The following ITPRIPL1 variants were observed in gnomAD, a reference collection of about 807,000 sequenced individuals.
ITPRIPL1 encodes inositol 1,4,5-trisphosphate receptor-interacting protein-like 1.
ITPRIPL1 carries 28 observed loss-of-function variants against 40.0 expected under a neutral mutation model. That is an observed-to-expected ratio of 0.70 (90% CI 0.52 to 0.96). The LOEUF is 0.96. ITPRIPL1 is among the 40% of genes least tolerant of loss of function. ITPRIPL1 has a pLI of 0.00. For synonymous variants in ITPRIPL1, 251 were observed against 275.7 expected (o/e 0.91, Z 0.89); for missense variants, 638 against 698.0 (o/e 0.91, Z 0.97).
chr2:96,326,120 A>G, intron 2 of ITPRIPL1: 5 of 1,454,416 alleles, frequency 3.4e-6, no homozygotes, highest in Non-Finnish European at 4.6e-6. Context: ...AGGCTGAGTG[A>G]TGAGGCTCAC....
In ITPRIPL1 at chr2:96,327,719, C is replaced by G. The variant is rs199538607; in HGVS notation, c.1088C>G (p.Ser363Ter). Residue 363 changes from serine to a stop codon, truncating the protein, a stop_gained, in exon 3 of 3, where the codon TCA (serine) becomes TGA (stop). Transcript: ENST00000439118. LOFTEE classifies it high-confidence loss of function. ...RLDYRSGRFL[S>*]IHLVLGVQRE... is the part of the protein sequence containing the mutation. ...GACTATCGCTCAGGCCGCTTTCTCT[C>G]AATCCACTTGGTCCTGGGGGTGCAA... 8.1e-6 allele frequency: 13 copies of G among 1,613,242 alleles called. No individual in the cohort carries two copies. The highest frequency in any genetic ancestry group is 1.1e-5 in the Non-Finnish European group (13 of 1,179,634).
rs1321706086 is a variant in ITPRIPL1, at chr2:96,326,225, C to A, written c.10+376C>A. On this transcript the variant is annotated intron_variant, in intron 2 of 2. Coordinates refer to ENST00000439118, the MANE Select transcript of ITPRIPL1 (RefSeq NM_001008949.3). ...GGGCAGAGGAAAGGTGTCACCCAGGCAGGTTCAGGGCTTTCTGGCTATAAA... is the reference window on the plus strand; with the variant it reads ...GGGCAGAGGAAAGGTGTCACCCAGGAAGGTTCAGGGCTTTCTGGCTATAAA... 4 of 1,439,942 alleles carry A rather than the reference C, an allele frequency of 2.8e-6. No individual in the cohort carries two copies. In the African/African-American group the frequency reaches 5.6e-5, roughly 20 times the overall value. 89.2% of individuals were successfully genotyped at this position (1,439,942 alleles called of 1,614,324 possible).
Position 96,325,472 on chromosome 2 carries a change from G to T in ITPRIPL1, c.-187G>T. The T allele has an allele frequency of 2.8e-6, 1 of 351,956 alleles. No homozygotes were observed. The highest frequency in any genetic ancestry group is 5.3e-6 in the Non-Finnish European group (1 of 187,078). 21.8% of individuals were successfully genotyped at this position (351,956 alleles called of 1,614,324 possible). On this transcript the variant is annotated 5_prime_UTR_variant, in exon 1 of 3. Transcript: ENST00000439118. Reference sequence around the variant, plus strand: ...AGGGCCACTCCCGCGGGCGGCCCCAGCGATGAACCGGACGCCCCCACCCTG... The same window carrying T: ...AGGGCCACTCCCGCGGGCGGCCCCATCGATGAACCGGACGCCCCCACCCTG...
chr2:96,329,087 G>T (rs1424654249), downstream of ITPRIPL1: 1 of 145,404 alleles, frequency 6.9e-6, no homozygotes, highest in African/African-American at 2.6e-5. Context: ...AGTGAGCCGA[G>T]ATCGCACCAC....
downstream of ITPRIPL1, chr2:96,329,341 A>G (rs922429901): frequency 2.0e-5 from 3 of 151,778 alleles, no homozygotes; most frequent in African/African-American, 4.8e-5. Flanking sequence ...CATAATTGAG[A>G]TAATGTATTT....
In ITPRIPL1 at chr2:96,325,424, T is replaced by G; in HGVS notation, c.-235T>G. On this transcript the variant is annotated 5_prime_UTR_variant, in exon 1 of 3. Coordinates refer to ENST00000439118, the MANE Select transcript of ITPRIPL1 (RefSeq NM_001008949.3). The stretch of plus-strand genomic sequence containing the variant: ...CGTTCAGACGCTCGGACAAGCATGG[T>G]CTATAACCCAGGAAAGGGGAGCAGG... 1 of 254,134 alleles carries G rather than the reference T, an allele frequency of 3.9e-6. No homozygotes were observed. Among genetic ancestry groups the G allele is most frequent in the Non-Finnish European group, 7.8e-6 (1 of 128,352 alleles). 15.7% of individuals were successfully genotyped at this position (254,134 alleles called of 1,614,324 possible).
At chr2:96,325,909 T>TGG in intron 2 of ITPRIPL1, 60 bp downstream of exon 2, 1 of 1,562,660 alleles carries the variant, frequency 6.4e-7, no homozygotes, top group African/African-American at 1.4e-5. Context: ...CACGGGTGGG[T>TGG]GGGGAGGCAG....
At chr2:96,329,908 T>C (rs895378206), downstream of ITPRIPL1, 1 of 152,104 alleles carries the variant, frequency 6.6e-6, no homozygotes, top group Non-Finnish European at 1.5e-5. Context: ...CTGGCCCTTA[T>C]AGGCTTCAGT....
In ITPRIPL1 at chr2:96,325,753, TA is replaced by T; in HGVS notation, c.-86del. On this transcript the variant is annotated 5_prime_UTR_variant, in exon 2 of 3. Transcript: ENST00000439118. ...ACCTTGTACATTTTAACAGGGCTCC[TA>T]GAGAGGGCGGGGAGACGAAGCAAGG... is the stretch of plus-strand genomic sequence containing the variant. 1 of 1,394,228 alleles carries T rather than the reference TA, an allele frequency of 7.2e-7. No individual in the cohort carries two copies. 86.4% of individuals were successfully genotyped at this position (1,394,228 alleles called of 1,614,324 possible).
At chr2:96,325,618 T>C in intron 1 of ITPRIPL1, 53 bp downstream of exon 1, 1 of 610,486 alleles carries the variant, frequency 1.6e-6, no homozygotes, top group South Asian at 1.9e-5. Context: ...GGATGGGCCC[T>C]TGGCCTCCTA....
Position 96,326,824 on chromosome 2 carries a change from G to A in ITPRIPL1, c.193G>A (p.Ala65Thr), listed in dbSNP as rs114255756. Reference protein sequence around the residue: ...LEMEFEERKRAAEQRQKAENF... With the variant: ...LEMEFEERKRTAEQRQKAENF... ...GATGGAGTTTGAAGAGAGAAAGCGAGCCGCTGAGCAGAGGCAGAAGGCAGA... is the reference window on the plus strand; with the variant it reads ...GATGGAGTTTGAAGAGAGAAAGCGAACCGCTGAGCAGAGGCAGAAGGCAGA... Residue 65 changes from alanine (A) to threonine (T), a missense_variant, in exon 3 of 3, where the codon GCC becomes ACC. Ala to Thr is a moderately conservative substitution (Grantham distance 58). Transcript: ENST00000439118. 5.6e-4 allele frequency: 898 copies of A among 1,614,206 alleles called. 5 individuals are homozygous for A. In the African/African-American group the frequency reaches 0.011, roughly 20 times the overall value.
Position 96,327,036 on chromosome 2 carries a change from G to C in ITPRIPL1, c.405G>C (p.Pro135=). ...TGCGACAGAACATGCAGCATGAACC[G>C]GCCTTTGATTCCAGCAGTGAGGAGG... The part of the protein sequence containing the change: ...ELLRQNMQHE[P]AFDSSSEEEE... The change falls in exon 3 of 3, where the codon CCG becomes CCC. Residue 135 remains proline, a synonymous_variant. Coordinates refer to ENST00000439118, the MANE Select transcript of ITPRIPL1 (RefSeq NM_001008949.3). The C allele has an allele frequency of 6.2e-7, 1 of 1,614,156 alleles. No individual in the cohort carries two copies.
chr2:96,327,681 C>T lies in ITPRIPL1; in HGVS notation c.1050C>T (p.Cys350=). The change falls in exon 3 of 3, where the codon TGC becomes TGT. Residue 350 remains cysteine, a synonymous_variant. Coordinates refer to ENST00000439118, the MANE Select transcript of ITPRIPL1 (RefSeq NM_001008949.3). ...KLSLPPSTTS[C]KLRLDYRSGR... ...GTCTCCCACCGTCTACCACCTCCTG[C>T]AAGCTCCGGCTGGACTATCGCTCAG... 6.2e-7 allele frequency: 1 copy of T among 1,613,388 alleles called. No individual in the cohort carries two copies. Among genetic ancestry groups the T allele is most frequent in the Non-Finnish European group, 8.5e-7 (1 of 1,179,750 alleles).
At chr2:96,329,744 A>T (rs1350728151), downstream of ITPRIPL1, 1 of 151,978 alleles carries the variant, frequency 6.6e-6, no homozygotes, top group Non-Finnish European at 1.5e-5. Context: ...TTTCAAAACC[A>T]TGGGATGCTG....
At chr2:96,329,165 A>G (rs1295395812), downstream of ITPRIPL1, 1 of 87,794 alleles carries the variant, frequency 1.1e-5, no homozygotes. Flanking sequence ...ATATATATAT[A>G]TATATATATA....
chr2:96,327,189 C>G lies in ITPRIPL1; in HGVS notation c.558C>G (p.Thr186=), dbSNP rs1165097724. The G allele has an allele frequency of 8.1e-6, 13 of 1,614,042 alleles. No homozygotes were observed. The highest frequency in any genetic ancestry group is 1.3e-5 in the African/African-American group (1 of 74,934). The part of the protein sequence containing the change: ...VQNAIRDLPC[T]CEFVESFVDD... ...ATGCCATCCGTGACCTGCCCTGCACCTGTGAGTTTGTGGAGAGTTTTGTGG... is the reference window on the plus strand; with the variant it reads ...ATGCCATCCGTGACCTGCCCTGCACGTGTGAGTTTGTGGAGAGTTTTGTGG... Residue 186 remains threonine, a synonymous_variant, in exon 3 of 3, where the codon ACC becomes ACG. Transcript: ENST00000439118.
In ITPRIPL1 at chr2:96,328,346, T is replaced by C; in HGVS notation, c.*47T>C. ...AACAGAGGAAGGTATTTCTAATTCC[T>C]TGGGCTACAAAAGTGTTTACTTTTC... On this transcript the variant is annotated 3_prime_UTR_variant, in exon 3 of 3. Coordinates refer to ENST00000439118, the MANE Select transcript of ITPRIPL1 (RefSeq NM_001008949.3). 2 of 1,545,466 alleles carry C rather than the reference T, an allele frequency of 1.3e-6. No homozygotes were observed. The highest frequency in any genetic ancestry group is 2.0e-5 in the Admixed American group (1 of 49,514).
At chr2:96,326,300 A>G (rs2064106007) in intron 2 of ITPRIPL1, 2 of 1,456,146 alleles carry the variant, frequency 1.4e-6, no homozygotes, top group Admixed American at 2.1e-5. Flanking sequence ...TGGTTGACTG[A>G]GGAGTCGGGT....
Position 96,328,210 on chromosome 2 carries a change from A to G in ITPRIPL1, c.1579A>G (p.Lys527Glu), listed in dbSNP as rs746457324. The change falls in exon 3 of 3, where the codon AAG (lysine) becomes GAG (glutamate). Residue 527 changes from lysine to glutamate, a missense_variant. Coordinates refer to ENST00000439118, the MANE Select transcript of ITPRIPL1 (RefSeq NM_001008949.3). Reference protein sequence around the residue: ...NLFQHLVLNPKAHSQAVEEFQ... With the variant: ...NLFQHLVLNPEAHSQAVEEFQ... The stretch of plus-strand genomic sequence containing the variant: ...CTTCCAACACCTGGTGCTCAACCCC[A>G]AGGCACATTCACAGGCAGTGGAAGA... The G allele has an allele frequency of 1.2e-6, 2 of 1,614,124 alleles. No homozygotes were observed. The highest frequency in any genetic ancestry group is 1.7e-6 in the Non-Finnish European group (2 of 1,180,016).
Sources: allele counts gnomAD v4.1 joint callset, GRCh38; gene constraint gnomAD v4.1.1; transcripts MANE v1.5; gene names NCBI Gene and HGNC (gene_info 2026-07-23, HGNC 2026-07-21).